The following IQCH variants were observed in gnomAD, a reference collection of about 807,000 sequenced individuals.
IQCH encodes IQ domain-containing protein H.
Under a neutral mutation model 117.0 loss-of-function variants are expected in IQCH, and 98 were observed. The observed-to-expected ratio is 0.84, with a 90% CI of 0.71 to 0.99. The LOEUF is 0.99. Ranked by LOEUF, IQCH falls within the 50% of genes least tolerant of loss-of-function variation. The probability of loss-of-function intolerance (pLI) is 0.00; values close to 1 mark genes in which losing one functional copy is unlikely to be tolerated. For synonymous variants in IQCH, 412 were observed against 448.2 expected (o/e 0.92, Z 1.02); for missense variants, 1,102 against 1,243.8 (o/e 0.89, Z 1.72).
At chr15:67,346,780 C>A (rs1969414464) in intron 6 of IQCH, among the ~76,000 whole-genome samples, 1 of 152,068 alleles carries the variant, frequency 6.6e-6, no homozygotes, top group Non-Finnish European at 1.5e-5. Context: ...GGAACATTCA[C>A]CAAAATAGAC....
At chr15:67,377,308 T>C (rs1318488173) in intron 10 of IQCH, among the ~76,000 whole-genome samples, 1 of 152,052 alleles carries the variant, frequency 6.6e-6, no homozygotes, top group Non-Finnish European at 1.5e-5. Flanking sequence ...TAAAGAAACA[T>C]TTTTCAGAGT....
intron 12 of IQCH, among the ~76,000 whole-genome samples, chr15:67,392,257 C>T (rs1281231342): frequency 2.6e-5 from 4 of 152,172 alleles, no homozygotes. Context: ...CTTCTGGGTG[C>T]CCTGAAAGGC....
At position 67,387,904 on chromosome 15, in the gene IQCH, G is replaced by GA. The variant is rs1389219291; in HGVS notation, c.1457-923dup. Among the ~76,000 whole-genome samples the GA allele has an allele frequency of 6.6e-6, 1 of 152,178 alleles. No homozygotes were observed. The highest frequency in any genetic ancestry group is 2.4e-5 in the African/African-American group (1 of 41,438). ...TCCTCTCTTTGCCCTGCTTGCCTAA[G>GA]AAAACGTTTACAGTGCTCCCTCCTC... On this transcript the variant is annotated intron_variant, in intron 11 of 20. Coordinates refer to ENST00000335894, the MANE Select transcript of IQCH (RefSeq NM_001031715.3). This position sits in a 1 kb window ranked among gnomAD's most constrained non-coding sequence, Gnocchi z 4.8.
Position 67,386,119 on chromosome 15 carries a change from G to T in IQCH, c.1456+1100G>T, listed in dbSNP as rs1039695662. Among the ~76,000 whole-genome samples, 15 of 152,142 alleles carry T rather than the reference G, an allele frequency of 9.9e-5. No homozygotes were observed. The highest frequency in any genetic ancestry group is 3.4e-4 in the African/African-American group (14 of 41,438). On this transcript the variant is annotated intron_variant, in intron 11 of 20. Transcript: ENST00000335894. The surrounding 1 kb of genome is among the most constrained non-coding windows in gnomAD (Gnocchi z 5.0). Reference sequence around the variant, plus strand: ...TTAATGACTTAAGATTGATTTGTTAGTGCTAAGCTATTTCAACTAAAAACC... The same window carrying T: ...TTAATGACTTAAGATTGATTTGTTATTGCTAAGCTATTTCAACTAAAAACC...
rs184020187 is a variant in IQCH at position 67,386,680 on chromosome 15, G to A, written c.1456+1661G>A. On this transcript the variant is annotated intron_variant, in intron 11 of 20. Transcript: ENST00000335894. This position sits in a 1 kb window ranked among gnomAD's most constrained non-coding sequence, Gnocchi z 5.0. Reference sequence around the variant, plus strand: ...ACTAGATATTGGCTGTGAATTCATGGTTCTCAGGTGCAGACCCCAATGGCT... The same window carrying A: ...ACTAGATATTGGCTGTGAATTCATGATTCTCAGGTGCAGACCCCAATGGCT... 1.3e-5 allele frequency among the ~76,000 whole-genome samples: 2 copies of A among 152,188 alleles called. No homozygotes were observed. Among genetic ancestry groups the A allele is most frequent in the African/African-American group, 4.8e-5 (2 of 41,520 alleles).
chr15:67,467,831 C>T lies in IQCH; in HGVS notation c.2676+2534C>T, dbSNP rs2082972120. On this transcript the variant is annotated intron_variant, in intron 17 of 20. Transcript: ENST00000335894. The surrounding 1 kb of genome is among the most constrained non-coding windows in gnomAD (Gnocchi z 5.7). ...GATGAAACCACAATGATAATGAGAG[C>T]GCATTCAAAACTAATGCCTATAAAA... 6.6e-6 allele frequency among the ~76,000 whole-genome samples: 1 copy of T among 152,140 alleles called. No individual in the cohort carries two copies. Among genetic ancestry groups the T allele is most frequent in the Non-Finnish European group, 1.5e-5 (1 of 68,036 alleles).
In IQCH at chr15:67,453,594, T is replaced by C. The variant is rs1482890725; in HGVS notation, c.2506-11533T>C. ...TGATCATTCCTCTGCAAGTTTTGTC[T>C]CAGAGGAGTACCCGGCCATGTAAGG... On this transcript the variant is annotated intron_variant, in intron 16 of 20. Coordinates refer to ENST00000335894, the MANE Select transcript of IQCH (RefSeq NM_001031715.3). The surrounding 1 kb of genome is among the most constrained non-coding windows in gnomAD (Gnocchi z 5.8). 6.6e-6 allele frequency among the ~76,000 whole-genome samples: 1 copy of C among 152,184 alleles called. No homozygotes were observed. The highest frequency in any genetic ancestry group is 1.5e-5 in the Non-Finnish European group (1 of 68,030).
At position 67,376,850 on chromosome 15, in the gene IQCH, G is replaced by A. The variant is rs547050519; in HGVS notation, c.1372+3417G>A. Among the ~76,000 whole-genome samples the A allele has an allele frequency of 2.8e-4, 43 of 152,166 alleles. No homozygotes were observed. Among genetic ancestry groups the A allele is most frequent in the Non-Finnish European group, 4.9e-4 (33 of 67,996 alleles). Reference sequence around the variant, plus strand: ...AAGGAGGACTTAGGCCAGGTGTGATGGCTCACGCCTGTAATCCCAATCCTT... The same window carrying A: ...AAGGAGGACTTAGGCCAGGTGTGATAGCTCACGCCTGTAATCCCAATCCTT... On this transcript the variant is annotated intron_variant, in intron 10 of 20. Coordinates refer to ENST00000335894, the MANE Select transcript of IQCH (RefSeq NM_001031715.3). This position sits in a 1 kb window ranked among gnomAD's most constrained non-coding sequence, Gnocchi z 5.0.
At chr15:67,317,394 A>T (rs1046076794) in intron 4 of IQCH, among the ~76,000 whole-genome samples, 1 of 151,780 alleles carries the variant, frequency 6.6e-6, no homozygotes, top group Non-Finnish European at 1.5e-5. Flanking sequence ...AAGTAGAGAT[A>T]GGGTTTCACC....
At chr15:67,371,119 A>G (rs535353029) in intron 8 of IQCH, among the ~76,000 whole-genome samples, 13 of 152,280 alleles carry the variant, frequency 8.5e-5, no homozygotes, top group African/African-American at 3.1e-4. Flanking sequence ...AACAATTATT[A>G]CAGTAAGTTA....
At chr15:67,412,684 C>T (rs1039006261) in intron 14 of IQCH, among the ~76,000 whole-genome samples, 2 of 152,174 alleles carry the variant, frequency 1.3e-5, no homozygotes, top group Non-Finnish European at 2.9e-5. Flanking sequence ...CAGGCATGAG[C>T]CACCGCGCCC....
chr15:67,336,232 A>G (rs1190723255), intron 4 of IQCH, among the ~76,000 whole-genome samples: 1 of 146,684 alleles, frequency 6.8e-6, no homozygotes, highest in Non-Finnish European at 1.5e-5. Context: ...AATTCAGTCT[A>G]TAAATACCAA....
chr15:67,372,134 G>C lies in IQCH; in HGVS notation c.777G>C (p.Leu259Phe). The C allele has an allele frequency of 6.2e-7, 1 of 1,608,608 alleles. No individual in the cohort carries two copies. The highest frequency in any genetic ancestry group is 8.5e-7 in the Non-Finnish European group (1 of 1,177,992). The change falls in exon 9 of 21, where the codon TTG (leucine) becomes TTC (phenylalanine). Residue 259 changes from leucine to phenylalanine, a missense_variant. Leu to Phe is a conservative substitution (Grantham distance 22, BLOSUM62 0). Around this residue, in one of 2 missense-constraint regions of IQCH, gnomAD observed 452 missense variants for 449.6 expected, o/e 1.01. Transcript: ENST00000335894. ...AGGCCATGAAAGTCAAAACACCTTT[G>C]AGAGCCCTGAAATCACTGTGGGATT... is the stretch of plus-strand genomic sequence containing the variant. ...DRKAMKVKTP[L>F]RALKSLWDYD...
At chr15:67,470,441 G>C (rs2083044436) in intron 17 of IQCH, among the ~76,000 whole-genome samples, 1 of 152,116 alleles carries the variant, frequency 6.6e-6, no homozygotes, top group Non-Finnish European at 1.5e-5. Flanking sequence ...GCCTCCCAAA[G>C]TGCTGGGATT....
chr15:67,412,796 G>A (rs1036461728), intron 14 of IQCH, among the ~76,000 whole-genome samples: 10 of 152,184 alleles, frequency 6.6e-5, no homozygotes, highest in African/African-American at 1.9e-4. Flanking sequence ...AGAAAAGGGA[G>A]GAAGAAAGCA....
intron 12 of IQCH, among the ~76,000 whole-genome samples, chr15:67,389,661 A>G (rs1156851426): frequency 6.6e-6 from 1 of 152,196 alleles, no homozygotes; most frequent in African/African-American, 2.4e-5. Flanking sequence ...TAAACCTTCC[A>G]TGTTAACCAG....
At chr15:67,367,508 C>T (rs1970376888) in intron 8 of IQCH, among the ~76,000 whole-genome samples, 1 of 152,122 alleles carries the variant, frequency 6.6e-6, no homozygotes, top group Admixed American at 6.5e-5. Context: ...AACTGCACTC[C>T]AGCCTGGATG....
Position 67,430,620 on chromosome 15 carries a change from T to C in IQCH, c.2505+9043T>C, listed in dbSNP as rs2081999589. 6.6e-6 allele frequency among the ~76,000 whole-genome samples: 1 copy of C among 152,246 alleles called. No homozygotes were observed. The highest frequency in any genetic ancestry group is 2.1e-4 in the South Asian group (1 of 4,830). ...ATGTCTAACACAATGATGGTCATAT[T>C]TGGCCAGCCACCTGATTATTATTTG... On this transcript the variant is annotated intron_variant, in intron 16 of 20. Transcript: ENST00000335894. This position sits in a 1 kb window ranked among gnomAD's most constrained non-coding sequence, Gnocchi z 5.1.
rs1041412522 is a variant in IQCH, at chr15:67,465,339, A to G, written c.2676+42A>G. 2 of 1,590,680 alleles carry G rather than the reference A, an allele frequency of 1.3e-6. No individual in the cohort carries two copies. Among genetic ancestry groups the G allele is most frequent in the African/African-American group, 1.3e-5 (1 of 74,606 alleles). On this transcript the variant is annotated intron_variant, in intron 17 of 20. Coordinates refer to ENST00000335894, the MANE Select transcript of IQCH (RefSeq NM_001031715.3). The surrounding 1 kb of genome is among the most constrained non-coding windows in gnomAD (Gnocchi z 5.9). ...TCCTGAAGGTTCTCGGTGTTCAGCA[A>G]CACCCACTGCCACTGCCTGAGCTCT...
Sources: gnomAD v4.1 joint callset for allele counts (sites outside exome capture counted in the v4.1 genomes callset) on GRCh38, gnomAD v4.1.1 for gene constraint, gnomAD v4.1.1 regional missense constraint, Gnocchi (gnomAD v3.1) non-coding constraint, MANE v1.5 for transcripts, NCBI Gene and HGNC (gene_info 2026-07-23, HGNC 2026-07-21) for gene names.